Variants in XYLT1 observed in about 807,000 individuals in gnomAD.
XYLT1 encodes xylosyltransferase 1, also known as beta-D-xylosyltransferase 1.
A neutral mutation model predicts 91.3 loss-of-function variants in XYLT1; 36 were observed. The observed-to-expected ratio is 0.39, with a 90% CI of 0.30 to 0.52. The LOEUF is 0.52. Among genes scored for constraint, XYLT1 ranks in the 20% least tolerant of loss-of-function variants. XYLT1 has a pLI of 0.68. For missense variants in XYLT1, 1,242 were observed against 1,284.5 expected (o/e 0.97, Z 0.51); for synonymous variants, 588 against 532.0 (o/e 1.11, Z -1.45).
chr16:17,286,103 T>C (rs1249909491), intron 2 of XYLT1, among the ~76,000 whole-genome samples: 1 of 152,176 alleles, frequency 6.6e-6, no homozygotes, highest in Non-Finnish European at 1.5e-5. Context: ...AAACCTGTCA[T>C]AGAGGATCTA....
chr16:17,303,299 C>T (rs1465646543), intron 2 of XYLT1, among the ~76,000 whole-genome samples: 2 of 152,158 alleles, frequency 1.3e-5, no homozygotes, highest in Admixed American at 6.6e-5. Flanking sequence ...CAACCACTCC[C>T]GTTCATTTGC....
At chr16:17,333,839 C>T (rs971436681) in intron 2 of XYLT1, among the ~76,000 whole-genome samples, 4 of 152,036 alleles carry the variant, frequency 2.6e-5, no homozygotes, top group Admixed American at 1.3e-4. Flanking sequence ...CTGCCCACCT[C>T]GGCCTCCCAA....
intron 1 of XYLT1, among the ~76,000 whole-genome samples, chr16:17,457,932 A>AG (rs1288872849): frequency 3.3e-5 from 5 of 152,250 alleles, no homozygotes; most frequent in African/African-American, 9.6e-5. Context: ...AAAAAGAAGA[A>AG]GAAAAAAAAG....
chr16:17,113,864 G>A (rs1459843168), intron 11 of XYLT1, among the ~76,000 whole-genome samples: 1 of 152,260 alleles, frequency 6.6e-6, no homozygotes, highest in Non-Finnish European at 1.5e-5. Flanking sequence ...CATCTTCACA[G>A]GAAGGTGAGG....
Position 17,395,603 on chromosome 16 carries a change from C to T in XYLT1, c.364-37553G>A, listed in dbSNP as rs530026586. Among the ~76,000 whole-genome samples the T allele has an allele frequency of 1.3e-3, 200 of 151,422 alleles. 1 individual carries two copies. The highest frequency in any genetic ancestry group is 2.6e-3 in the Non-Finnish European group (178 of 67,978). ...CCTATAAATAATCATAATAATTATT[C>T]TTGCTCATTATAATACTTTGAGCTC... On this transcript the variant is annotated intron_variant, in intron 1 of 11. Coordinates refer to ENST00000261381, the MANE Select transcript of XYLT1 (RefSeq NM_022166.4).
intron 9 of XYLT1, among the ~76,000 whole-genome samples, chr16:17,132,711 T>C (rs58905874): frequency 0.28 from 42,146 of 152,020 alleles, 6,458 homozygotes; most frequent in East Asian, 0.7. Context: ...GAGACCAGCC[T>C]GGCCAACCTG....
At chr16:17,141,390 C>T (rs374316646) in intron 6 of XYLT1, 21 bp from the exon 7 acceptor site, 18 of 1,611,326 alleles carry the variant, frequency 1.1e-5, no homozygotes, top group African/African-American at 2.7e-5. Context: ...GAAAGCTGCC[C>T]TTAGCCCAGA....
At chr16:17,391,395 A>G (rs2035817542) in intron 1 of XYLT1, among the ~76,000 whole-genome samples, 1 of 152,134 alleles carries the variant, frequency 6.6e-6, no homozygotes, top group African/African-American at 2.4e-5. Context: ...CCGCCAAACT[A>G]TCCTTGAAAA....
chr16:17,352,910 G>A (rs895215032), intron 2 of XYLT1, among the ~76,000 whole-genome samples: 5 of 152,144 alleles, frequency 3.3e-5, no homozygotes, highest in African/African-American at 1.2e-4. Context: ...TGGCCCAATA[G>A]TGATTTACGG....
At chr16:17,190,183 T>C (rs936453152) in intron 5 of XYLT1, among the ~76,000 whole-genome samples, 1 of 152,226 alleles carries the variant, frequency 6.6e-6, no homozygotes, top group East Asian at 1.9e-4. Context: ...TCTTTTGGGA[T>C]GATGAAAATG....
chr16:17,314,090 C>T (rs1317065237), intron 2 of XYLT1, among the ~76,000 whole-genome samples: 1 of 152,188 alleles, frequency 6.6e-6, no homozygotes, highest in Non-Finnish European at 1.5e-5. Flanking sequence ...CAGGCCAAAC[C>T]AAACTTGTCG....
At chr16:17,367,398 C>T (rs577993257) in intron 1 of XYLT1, among the ~76,000 whole-genome samples, 39 of 152,300 alleles carry the variant, frequency 2.6e-4, no homozygotes, top group East Asian at 5.8e-4. Context: ...TGGGAACACA[C>T]GCCACATCTA....
intron 2 of XYLT1, among the ~76,000 whole-genome samples, chr16:17,305,357 G>C (rs2034454784): frequency 6.6e-6 from 1 of 151,914 alleles, no homozygotes; most frequent in Admixed American, 6.6e-5. Context: ...TTGTGTGTAT[G>C]TGTGTGCAGC....
intron 1 of XYLT1, among the ~76,000 whole-genome samples, chr16:17,371,488 C>T (rs774365131): frequency 5.9e-5 from 9 of 152,174 alleles, no homozygotes; most frequent in Admixed American, 5.9e-4. Context: ...GTATAAATGA[C>T]ACAGCAGAAG....
chr16:17,269,525 G>T (rs956679068), intron 2 of XYLT1, among the ~76,000 whole-genome samples: 4 of 152,170 alleles, frequency 2.6e-5, no homozygotes, highest in African/African-American at 7.2e-5. Flanking sequence ...TCCCTGGGAT[G>T]ACCCCAGCTC....
At chr16:17,252,649 C>G (rs1279545542) in intron 3 of XYLT1, among the ~76,000 whole-genome samples, 2 of 152,146 alleles carry the variant, frequency 1.3e-5, no homozygotes, top group Non-Finnish European at 2.9e-5. Context: ...GTCCCGAGAG[C>G]AAGGAATGTC....
chr16:17,263,266 G>A (rs1229292195), intron 2 of XYLT1, among the ~76,000 whole-genome samples: 1 of 151,906 alleles, frequency 6.6e-6, no homozygotes, highest in Non-Finnish European at 1.5e-5. Flanking sequence ...AAAACACTGC[G>A]ATCATCTCCC....
chr16:17,105,756 G>A lies in XYLT1; in HGVS notation c.*2939C>T, dbSNP rs1966765907. 1 of 152,112 alleles carries A rather than the reference G, an allele frequency of 6.6e-6. No homozygotes were observed. The highest frequency in any genetic ancestry group is 2.1e-4 in the South Asian group (1 of 4,830). The allele number at this position is 152,112 out of a possible 1,614,324, so 9.4% of individuals were successfully genotyped here. ...CTGTAATAGGTTTCCAGAGACCACA[G>A]CCCTATGCTTTTGAAATCTTCCACA... On this transcript the variant is annotated 3_prime_UTR_variant, in exon 12 of 12. Coordinates refer to ENST00000261381, the MANE Select transcript of XYLT1 (RefSeq NM_022166.4).
intron 1 of XYLT1, among the ~76,000 whole-genome samples, chr16:17,380,914 T>C (rs1317918294): frequency 1.3e-5 from 2 of 152,128 alleles, no homozygotes; most frequent in African/African-American, 2.4e-5. Context: ...AAAGGACAAA[T>C]ACTGTGTGAT....
Sources: allele counts gnomAD v4.1 joint callset (sites outside exome capture counted in the v4.1 genomes callset), GRCh38; gene constraint gnomAD v4.1.1; transcripts MANE v1.5; gene names NCBI Gene and HGNC (gene_info 2026-07-23, HGNC 2026-07-21).